The following SLC6A19 variants were observed in gnomAD, a reference collection of about 807,000 sequenced individuals.
The protein encoded by SLC6A19 is solute carrier family 6 member 19.
SLC6A19 carries 67 observed loss-of-function variants against 68.3 expected under a neutral mutation model. The observed-to-expected ratio is 0.98, with a 90% confidence interval of 0.81 to 1.20. SLC6A19 has a LOEUF of 1.20. Among genes scored for constraint, SLC6A19 ranks in the 50% most tolerant of loss-of-function variants. SLC6A19 has a pLI of 0.00. For missense variants in SLC6A19, 813 were observed against 851.6 expected, an observed-to-expected ratio of 0.95 and a Z score of 0.56; for synonymous variants, 392 against 374.9, an observed-to-expected ratio of 1.05 and a Z score of -0.53.
intron 4 of SLC6A19, among the ~76,000 whole-genome samples, chr5:1,213,067 C>T: frequency 7.3e-6 from 1 of 137,658 alleles, no homozygotes; most frequent in Middle Eastern, 3.9e-3. Context: ...GCAGGCCCTG[C>T]CTCCCGTCCC....
chr5:1,208,850 G>A lies in SLC6A19; in HGVS notation c.307G>A (p.Val103Met), dbSNP rs1354689771. The A allele has an allele frequency of 5.0e-6, 8 of 1,612,810 alleles. No homozygotes were observed. Among genetic ancestry groups the A allele is most frequent in the East Asian group, 4.5e-5 (2 of 44,878 alleles). The change falls in exon 2 of 12, where the codon GTG becomes ATG. Residue 103 changes from valine (V) to methionine (M), a missense_variant. Val to Met is a conservative substitution (Grantham distance 21, BLOSUM62 1). Coordinates refer to ENST00000304460, the MANE Select transcript of SLC6A19 (RefSeq NM_001003841.3). ...GCGGCTGCGGCGGGGCAGCCTGGGT[G>A]TGTGGAGCTCCATCCACCCGGCCCT... is the stretch of plus-strand genomic sequence containing the variant. ...GQRLRRGSLG[V>M]WSSIHPALKG...
chr5:1,208,736 C>A lies in SLC6A19; in HGVS notation c.203-10C>A. The A allele has an allele frequency of 6.2e-7, 1 of 1,613,420 alleles. No individual in the cohort carries two copies. The highest frequency in any genetic ancestry group is 8.5e-7 in the Non-Finnish European group (1 of 1,179,990). On this transcript the variant is annotated splice_polypyrimidine_tract_variant and intron_variant, in intron 1 of 11. Coordinates refer to ENST00000304460, the MANE Select transcript of SLC6A19 (RefSeq NM_001003841.3). ...CGGCTCTCAGGCATGGTGGACTCCT[C>A]CCATTGCAGGAGCCTTCATGATCCC...
chr5:1,208,241 C>A (rs1377851221), intron 1 of SLC6A19, among the ~76,000 whole-genome samples: 1 of 152,188 alleles, frequency 6.6e-6, no homozygotes, highest in Non-Finnish European at 1.5e-5. Context: ...AACAGCCTCT[C>A]CCCACAGGCA....
At chr5:1,207,554 C>T (rs1008035591) in intron 1 of SLC6A19, among the ~76,000 whole-genome samples, 6 of 152,230 alleles carry the variant, frequency 3.9e-5, no homozygotes, top group Non-Finnish European at 7.3e-5. Context: ...TAAGCATCTG[C>T]GATTTTTCCT....
intron 9 of SLC6A19, 50 bp from the exon 10 acceptor site, chr5:1,219,455 C>T (rs912109170): frequency 1.1e-5 from 17 of 1,603,014 alleles, no homozygotes; most frequent in Middle Eastern, 3.4e-4. Flanking sequence ...TGTCCCTGGC[C>T]GTGCGTGCAG....
Position 1,214,794 on chromosome 5 carries a change from G to A in SLC6A19, c.887+729G>A, listed in dbSNP as rs929512565. The stretch of plus-strand genomic sequence containing the variant: ...GGTGCGATTGGAGTCAGACACAGGG[G>A]ACCCTCAGTGCAAGGGGGCAGGGCC... On this transcript the variant is annotated intron_variant, in intron 6 of 11. Transcript: ENST00000304460. This position sits in a 1 kb window ranked among gnomAD's most constrained non-coding sequence, Gnocchi z 7.4. Among the ~76,000 whole-genome samples the A allele has an allele frequency of 2.8e-5, 4 of 143,760 alleles. No homozygotes were observed. Among genetic ancestry groups the A allele is most frequent in the Admixed American group, 7.1e-5 (1 of 14,112 alleles). 94.3% of individuals were successfully genotyped at this position (143,760 alleles called of 152,430 possible).
chr5:1,204,270 G>A (rs1055284625), intron 1 of SLC6A19, among the ~76,000 whole-genome samples: 2 of 152,228 alleles, frequency 1.3e-5, no homozygotes, highest in African/African-American at 4.8e-5. Context: ...TCCTTGGAGA[G>A]CCTGTGCCAG....
chr5:1,218,463 G>A (rs1195039078), intron 8 of SLC6A19, among the ~76,000 whole-genome samples: 1 of 152,252 alleles, frequency 6.6e-6, no homozygotes, highest in Non-Finnish European at 1.5e-5. Context: ...TTGCGCCTTG[G>A]TGGTTCTTAC....
rs550271916 is a variant in SLC6A19 at position 1,221,900 on chromosome 5, A to G, written c.1901A>G (p.Tyr634Cys). The G allele has an allele frequency of 3.7e-6, 6 of 1,613,898 alleles. No individual in the cohort carries two copies. In the African/African-American group the frequency reaches 5.3e-5, roughly 14 times the overall value. The change falls in exon 12 of 12, where the codon TAC becomes TGC. Residue 634 changes from tyrosine to cysteine, a missense_variant. Physicochemically the swap from Tyr to Cys is radical, Grantham distance 194 (BLOSUM62 -2). Coordinates refer to ENST00000304460, the MANE Select transcript of SLC6A19 (RefSeq NM_001003841.3). ...STASMNGDLK[Y>C] ...GCCTCCATGAACGGGGACCTGAAGT[A>G]CTGAGAAGGCCCATCCCACGGCGTG...
At position 1,222,554 on chromosome 5, in the gene SLC6A19, A is replaced by G. The variant is rs551319424; in HGVS notation, c.*650A>G. 34 of 372,248 alleles carry G rather than the reference A, an allele frequency of 9.1e-5. No homozygotes were observed. Among genetic ancestry groups the G allele is most frequent in the Middle Eastern group, 6.8e-4 (1 of 1,470 alleles). The allele number at this position is 372,248 out of a possible 1,614,324, so 23.1% of individuals were successfully genotyped here. A position where few individuals can be genotyped will look rare whatever the true frequency, so the allele number is the denominator to read the frequency against. ...ACGTGTGTGTATACGTGTGTTGTGT[A>G]TATGTGTGTGTCTGTACCTGTTTGT... On this transcript the variant is annotated 3_prime_UTR_variant, in exon 12 of 12. Transcript: ENST00000304460.
rs1745941006 is a variant in SLC6A19, at chr5:1,209,062, G to A, written c.343+176G>A. Among the ~76,000 whole-genome samples the A allele has an allele frequency of 6.6e-6, 1 of 152,168 alleles. No homozygotes were observed. Among genetic ancestry groups the A allele is most frequent in the Non-Finnish European group, 1.5e-5 (1 of 68,022 alleles). On this transcript the variant is annotated intron_variant, in intron 2 of 11. Coordinates refer to ENST00000304460, the MANE Select transcript of SLC6A19 (RefSeq NM_001003841.3). The surrounding 1 kb of genome is among the most constrained non-coding windows in gnomAD (Gnocchi z 5.5). ...CTCCTGGAGGCCTTTGGAAACTCCA[G>A]GCCACTCCTGTTCACCAGGAACCAG...
intron 8 of SLC6A19, 112 bp downstream of exon 8, chr5:1,217,057 C>T: frequency 6.5e-7 from 1 of 1,534,534 alleles, no homozygotes; most frequent in South Asian, 1.1e-5. Flanking sequence ...TGAGCTTCAG[C>T]CGGGAGGCCC....
At chr5:1,221,543 G>T (rs1480107167) in intron 11 of SLC6A19, among the ~76,000 whole-genome samples, 158 bp from the exon 12 acceptor site, 1 of 152,198 alleles carries the variant, frequency 6.6e-6, no homozygotes. Context: ...TGGGCTGGGA[G>T]TTGGGAGGTA....
chr5:1,216,721 C>A, intron 7 of SLC6A19, 35 bp downstream of exon 7: 3 of 1,613,680 alleles, frequency 1.9e-6, no homozygotes, highest in Non-Finnish European at 2.5e-6. Context: ...GTGCCTTGGG[C>A]TGCGCCTCCA....
intron 1 of SLC6A19, among the ~76,000 whole-genome samples, chr5:1,205,728 G>C (rs1263710542): frequency 1.3e-5 from 2 of 152,170 alleles, no homozygotes; most frequent in Non-Finnish European, 2.9e-5. Context: ...TTTCTTGGTA[G>C]TTTTGTCTGG....
At chr5:1,210,953 G>T (rs995093638) in intron 3 of SLC6A19, among the ~76,000 whole-genome samples, 6 of 152,216 alleles carry the variant, frequency 3.9e-5, no homozygotes, top group Admixed American at 6.5e-5. Context: ...GCTCCGCACA[G>T]GTGGGTCTGT....
rs1187838157 is a variant in SLC6A19 at position 1,214,718 on chromosome 5, T to C, written c.887+653T>C. ...ACCAGAATTTCAGAGCAGAAGGGGC[T>C]GGGGGTGAGGGAGGACTCCTAGGGG... On this transcript the variant is annotated intron_variant, in intron 6 of 11. Coordinates refer to ENST00000304460, the MANE Select transcript of SLC6A19 (RefSeq NM_001003841.3). This position sits in a 1 kb window ranked among gnomAD's most constrained non-coding sequence, Gnocchi z 7.4. 6.6e-6 allele frequency among the ~76,000 whole-genome samples: 1 copy of C among 151,428 alleles called. No homozygotes were observed. Among genetic ancestry groups the C allele is most frequent in the African/African-American group, 2.4e-5 (1 of 41,170 alleles).
intron 8 of SLC6A19, among the ~76,000 whole-genome samples, chr5:1,217,271 G>A (rs978836819): frequency 2.0e-5 from 3 of 152,356 alleles, no homozygotes; most frequent in East Asian, 1.9e-4. Context: ...TCTGTAACAC[G>A]GTGACTTCTA....
rs893111152 is a variant in SLC6A19, at chr5:1,215,999, A to T, written c.888-559A>T. ...GGCTAACAGATTCAGCTTTTGATGG[A>T]AGCATCTGGAAGGATGGTGTCAGCA... On this transcript the variant is annotated intron_variant, in intron 6 of 11. Transcript: ENST00000304460. This position sits in a 1 kb window ranked among gnomAD's most constrained non-coding sequence, Gnocchi z 5.1. Among the ~76,000 whole-genome samples the T allele has an allele frequency of 2.6e-5, 4 of 152,138 alleles. No individual in the cohort carries two copies. The highest frequency in any genetic ancestry group is 9.7e-5 in the African/African-American group (4 of 41,424).
Sources: allele counts gnomAD v4.1 joint callset (sites outside exome capture counted in the v4.1 genomes callset), GRCh38; gene constraint gnomAD v4.1.1; non-coding constraint Gnocchi (gnomAD v3.1); transcripts MANE v1.5; gene names NCBI Gene and HGNC (gene_info 2026-07-23, HGNC 2026-07-21).